Variants in OVCH1 observed in about 807,000 individuals in gnomAD.
The protein encoded by OVCH1 is ovochymase-1.
In OVCH1, 139 loss-of-function variants were observed where a neutral mutation model predicts 138.4. That is an observed-to-expected ratio of 1.00 (90% CI 0.87 to 1.16). The LOEUF is 1.16. Among genes scored for constraint, OVCH1 ranks in the 50% most tolerant of loss-of-function variants. OVCH1 has a pLI of 0.00. For missense variants in OVCH1, 1,367 were observed against 1,357.9 expected, an observed-to-expected ratio of 1.01 and a Z score of -0.11; for synonymous variants, 453 against 467.8, an observed-to-expected ratio of 0.97 and a Z score of 0.41.
chr12:29,473,780 T>A (rs1942598368), intron 14 of OVCH1, among the ~76,000 whole-genome samples: 1 of 152,132 alleles, frequency 6.6e-6, no homozygotes, highest in Non-Finnish European at 1.5e-5. Context: ...CCAAAAGAAT[T>A]TAACATTTGA....
chr12:29,436,757 C>G (rs1318532515), intron 26 of OVCH1, among the ~76,000 whole-genome samples: 1 of 152,144 alleles, frequency 6.6e-6, no homozygotes, highest in Non-Finnish European at 1.5e-5. Context: ...TTGTTTGTTC[C>G]TCCGGGTGGG....
chr12:29,419,350 C>A (rs905050410), intron 3 of OVCH1, among the ~76,000 whole-genome samples: 1 of 151,298 alleles, frequency 6.6e-6, no homozygotes, highest in Non-Finnish European at 1.5e-5. Flanking sequence ...TGCAGTGGCA[C>A]AATTTGGGAT....
intron 3 of OVCH1, among the ~76,000 whole-genome samples, chr12:29,417,906 T>G (rs573626743): frequency 1.3e-5 from 2 of 152,126 alleles, no homozygotes; most frequent in South Asian, 4.1e-4. Context: ...AGAAAGCAAA[T>G]GATGGGCTAT....
chr12:29,478,037 A>G (rs1942802404), intron 9 of OVCH1, among the ~76,000 whole-genome samples: 1 of 152,218 alleles, frequency 6.6e-6, no homozygotes, highest in Non-Finnish European at 1.5e-5. Context: ...CTTCCTGTCA[A>G]ATATGTGTGA....
At chr12:29,418,334 A>G (rs765306472) in intron 3 of OVCH1, among the ~76,000 whole-genome samples, 20 of 152,238 alleles carry the variant, frequency 1.3e-4, no homozygotes, top group Non-Finnish European at 2.4e-4. Flanking sequence ...TCATGCTTCA[A>G]ATTCCTAAGT....
At chr12:29,497,269 C>CAAAACAAAACA (rs139600534) in intron 1 of OVCH1, among the ~76,000 whole-genome samples, 1 of 151,750 alleles carries the variant, frequency 6.6e-6, no homozygotes, top group African/African-American at 2.4e-5. Context: ...CTCAAACAAA[C>CAAAACAAAACA]AAACAAAACA....
chr12:29,496,628 AG>A lies in OVCH1; in HGVS notation c.110del (p.Pro37LeufsTer19). Reference sequence around the variant, plus strand: ...TAGAGAAGAATCTAGATCCCACGGCAGGTTCCTTACTTTTCATGTTGACCAT... The same window carrying A: ...TAGAGAAGAATCTAGATCCCACGGCAGTTCCTTACTTTTCATGTTGACCAT... On this transcript the variant is annotated frameshift_variant, in exon 2 of 28. Coordinates refer to ENST00000318184, the Ensembl canonical transcript of OVCH1. LOFTEE classifies it high-confidence loss of function. 2 of 1,613,880 alleles carry A rather than the reference AG, an allele frequency of 1.2e-6. No individual in the cohort carries two copies. The highest frequency in any genetic ancestry group is 1.7e-6 in the Non-Finnish European group (2 of 1,179,754).
rs532903903 is a variant in OVCH1, at chr12:29,476,151, G to A, written c.1471+55C>T. On this transcript the variant is annotated intron_variant, in intron 13 of 27. Transcript: ENST00000318184. Reference sequence around the variant, plus strand: ...GTACCCAAGGAAGCCAGCCCATGTTGCCACTACTCTGATTCGTCTAACACT... The same window carrying A: ...GTACCCAAGGAAGCCAGCCCATGTTACCACTACTCTGATTCGTCTAACACT... 7.8e-4 allele frequency: 1,104 copies of A among 1,415,586 alleles called. 3 individuals are homozygous for A. The highest frequency in any genetic ancestry group is 1.0e-3 in the Non-Finnish European group (1,003 of 1,000,530). The allele number at this position is 1,415,586 out of a possible 1,614,324, so 87.7% of individuals were successfully genotyped here. A position where few individuals can be genotyped will look rare whatever the true frequency, so the allele number is the denominator to read the frequency against.
At chr12:29,429,246 TATGGC>T (rs1418523169) in intron 27 of OVCH1, among the ~76,000 whole-genome samples, 1 of 152,186 alleles carries the variant, frequency 6.6e-6, no homozygotes, top group Non-Finnish European at 1.5e-5. Flanking sequence ...CTTTAAAACA[TATGGC>T]ATCTGGACAA....
At chr12:29,409,673 G>T (rs543977346), downstream of OVCH1, among the ~76,000 whole-genome samples, 229 of 152,192 alleles carry the variant, frequency 1.5e-3, no homozygotes, top group African/African-American at 5.4e-3. Context: ...GTCTGAGAGA[G>T]AGTTTGTTAT....
intron 20 of OVCH1, 125 bp from the exon 21 acceptor site, chr12:29,455,058 G>A: frequency 1.7e-6 from 2 of 1,153,836 alleles, no homozygotes; most frequent in East Asian, 2.6e-5. Context: ...AGCAGCCTAA[G>A]GAAAAGTCAG....
At chr12:29,449,057 T>G (rs1941698543) in intron 22 of OVCH1, among the ~76,000 whole-genome samples, 1 of 152,152 alleles carries the variant, frequency 6.6e-6, no homozygotes, top group Non-Finnish European at 1.5e-5. Flanking sequence ...TACATGAAAT[T>G]AAAAATGAGG....
At chr12:29,448,431 C>A (rs893123413) in intron 22 of OVCH1, among the ~76,000 whole-genome samples, 1 of 151,768 alleles carries the variant, frequency 6.6e-6, no homozygotes, top group African/African-American at 2.4e-5. Context: ...AGGTTGGTCT[C>A]ATTAAGAAGG....
At chr12:29,409,281 G>T (rs1278491114), downstream of OVCH1, among the ~76,000 whole-genome samples, 1 of 152,054 alleles carries the variant, frequency 6.6e-6, no homozygotes, top group Non-Finnish European at 1.5e-5. Context: ...TTAATGTTTT[G>T]AAGGGTTTTT....
intron 22 of OVCH1, among the ~76,000 whole-genome samples, chr12:29,447,712 T>C (rs1249977509): frequency 6.6e-6 from 1 of 151,298 alleles, no homozygotes; most frequent in Non-Finnish European, 1.5e-5. Flanking sequence ...TTCATTTTAG[T>C]CAGGTAAATG....
intron 12 of OVCH1, 70 bp from the exon 13 acceptor site, chr12:29,476,369 CTG>C: frequency 1.5e-5 from 19 of 1,275,326 alleles, no homozygotes; most frequent in Non-Finnish European, 2.1e-5. Flanking sequence ...GGGTTTTCCT[CTG>C]TGTATTTAAA....
At chr12:29,425,371 T>C (rs1332394889), downstream of OVCH1, among the ~76,000 whole-genome samples, 2 of 152,236 alleles carry the variant, frequency 1.3e-5, no homozygotes, top group African/African-American at 4.8e-5. Flanking sequence ...AAGTTGAACA[T>C]TACACCTAAT....
At chr12:29,413,661 T>TACACAC (rs34675791) in intron 3 of OVCH1, among the ~76,000 whole-genome samples, 14,970 of 149,042 alleles carry the variant, frequency 0.1, 802 homozygotes, top group East Asian at 0.23. Context: ...CTGTGTGTAT[T>TACACAC]ACACACATAC....
At chr12:29,493,001 A>T (rs568592010) in intron 4 of OVCH1, among the ~76,000 whole-genome samples, 1 of 152,310 alleles carries the variant, frequency 6.6e-6, no homozygotes, top group East Asian at 1.9e-4. Flanking sequence ...AGCAACATAG[A>T]GGTCATTAGT....
Sources: gnomAD v4.1 joint callset for allele counts (sites outside exome capture counted in the v4.1 genomes callset) on GRCh38, gnomAD v4.1.1 for gene constraint, MANE v1.5 for transcripts, NCBI Gene and HGNC (gene_info 2026-07-23, HGNC 2026-07-21) for gene names.